The following QTRT2 variants were observed in gnomAD, a reference collection of about 807,000 sequenced individuals.
QTRT2 encodes the protein queuine tRNA-ribosyltransferase accessory subunit 2.
A neutral mutation model predicts 44.8 loss-of-function variants in QTRT2; 32 were observed. The ratio of observed to expected loss-of-function variants is 0.71; its 90% CI spans 0.54 to 0.96. The LOEUF is 0.96. Among genes scored for constraint, QTRT2 ranks in the 40% least tolerant of loss-of-function variants. The pLI, the probability that QTRT2 is intolerant of heterozygous loss-of-function variation, is 0.00. For synonymous variants in QTRT2, 182 were observed against 187.4 expected, an observed-to-expected ratio of 0.97 and a Z score of 0.24; for missense variants, 461 against 503.1, an observed-to-expected ratio of 0.92 and a Z score of 0.80.
In QTRT2 at chr3:114,069,098, G is replaced by T. The variant is rs1054964705; in HGVS notation, c.333+1035G>T. ...TTGACTTCCATTTTCTACCCAAATT[G>T]TAAGGGAGAGAGGAATCATTTAACC... On this transcript the variant is annotated intron_variant, in intron 5 of 9. Transcript: ENST00000281273. Among the ~76,000 whole-genome samples, 4 of 151,524 alleles carry T rather than the reference G, an allele frequency of 2.6e-5. No homozygotes were observed. The East Asian group carries it at 5.8e-4, about 22-fold the overall frequency.
At chr3:114,078,735 A>G (rs537673865) in intron 7 of QTRT2, 1 of 152,266 alleles carries the variant, frequency 6.6e-6, no homozygotes, top group South Asian at 2.1e-4. Context: ...CCCTAATTTG[A>G]AAGTCCAAAA....
chr3:114,060,472 A>ATAGGTAGG (rs796649795), intron 2 of QTRT2, among the ~76,000 whole-genome samples: 5,598 of 146,380 alleles, frequency 0.038, 176 homozygotes, highest in Admixed American at 0.085. Flanking sequence ...CCCCAGATAG[A>ATAGGTAGG]TAGGTAGGTA....
intron 8 of QTRT2, among the ~76,000 whole-genome samples, chr3:114,080,728 A>G (rs2077156278): frequency 6.6e-6 from 1 of 152,104 alleles, no homozygotes; most frequent in African/African-American, 2.4e-5. Context: ...TTCAGAAATG[A>G]CCTTTCCTTT....
chr3:114,064,409 C>G (rs1453917836), intron 2 of QTRT2, among the ~76,000 whole-genome samples: 1 of 152,148 alleles, frequency 6.6e-6, no homozygotes, highest in Admixed American at 6.5e-5. Flanking sequence ...GTGTGCTTAT[C>G]AAGTTCTGTA....
At chr3:114,072,319 A>AT (rs1420789929) in intron 6 of QTRT2, among the ~76,000 whole-genome samples, 12 of 151,946 alleles carry the variant, frequency 7.9e-5, no homozygotes, top group African/African-American at 2.9e-4. Flanking sequence ...TGCCTGGCTA[A>AT]TTTTTGTATT....
chr3:114,063,502 T>A (rs9845698), intron 2 of QTRT2, among the ~76,000 whole-genome samples: 11,340 of 152,230 alleles, frequency 0.074, 473 homozygotes, highest in Middle Eastern at 0.11. Flanking sequence ...TTATACTATT[T>A]ATTAAAATAT....
At chr3:114,079,502 C>A in intron 7 of QTRT2, 1 of 163,580 alleles carries the variant, frequency 6.1e-6, no homozygotes, top group Non-Finnish European at 1.3e-5. Flanking sequence ...TGCGCCATTG[C>A]ACTCCAGCCT....
intron 2 of QTRT2, among the ~76,000 whole-genome samples, chr3:114,063,065 G>A (rs886291823): frequency 2.0e-5 from 3 of 152,222 alleles, no homozygotes; most frequent in African/African-American, 4.8e-5. Flanking sequence ...AAATGCGTAA[G>A]TTACTGCAGC....
At chr3:114,067,960 C>T in intron 4 of QTRT2, 27 bp from the exon 5 acceptor site, 4 of 1,607,504 alleles carry the variant, frequency 2.5e-6, no homozygotes, top group Non-Finnish European at 3.4e-6. Context: ...TAAGCACTTT[C>T]AAGGGTTCTT....
chr3:114,072,116 A>G (rs1260300289), intron 6 of QTRT2, among the ~76,000 whole-genome samples: 1 of 151,870 alleles, frequency 6.6e-6, no homozygotes, highest in African/African-American at 2.4e-5. Flanking sequence ...TTGTTTCCAC[A>G]TGAGGCTCAT....
At chr3:114,058,442 C>G (rs924286398) in intron 2 of QTRT2, among the ~76,000 whole-genome samples, 3 of 152,216 alleles carry the variant, frequency 2.0e-5, no homozygotes, top group Non-Finnish European at 4.4e-5. Context: ...AGTTTAACGT[C>G]GTCGTTATCT....
chr3:114,060,519 G>C (rs1306725227), intron 2 of QTRT2, among the ~76,000 whole-genome samples: 1 of 150,574 alleles, frequency 6.6e-6, no homozygotes, highest in African/African-American at 2.5e-5. Context: ...TAGATAGATA[G>C]ATAGATAGAT....
At chr3:114,065,029 A>G (rs1429407794) in intron 2 of QTRT2, among the ~76,000 whole-genome samples, 3 of 152,158 alleles carry the variant, frequency 2.0e-5, no homozygotes, top group Non-Finnish European at 4.4e-5. Context: ...TGATGCCAAT[A>G]TGTGGTTCTG....
Position 114,087,799 on chromosome 3 carries a change from C to G in QTRT2, c.*1895C>G, listed in dbSNP as rs1395784365. On this transcript the variant is annotated 3_prime_UTR_variant, in exon 10 of 10. Coordinates refer to ENST00000281273, the MANE Select transcript of QTRT2 (RefSeq NM_024638.4). ...ACATGACAAAAGCAGGAACAAGACTCAGAGCAAGAAGTCACTTATCACCAA... is the reference window on the plus strand; with the variant it reads ...ACATGACAAAAGCAGGAACAAGACTGAGAGCAAGAAGTCACTTATCACCAA... 6.6e-6 allele frequency: 1 copy of G among 152,276 alleles called. No homozygotes were observed. Among genetic ancestry groups the G allele is most frequent in the Non-Finnish European group, 1.5e-5 (1 of 68,152 alleles). The allele number at this position is 152,276 out of a possible 1,614,324, so 9.4% of individuals were successfully genotyped here. A position where few individuals can be genotyped will look rare whatever the true frequency, so the allele number is the denominator to read the frequency against.
chr3:114,085,664 C>T lies in QTRT2; in HGVS notation c.1017-9C>T. 6.2e-7 allele frequency: 1 copy of T among 1,610,570 alleles called. No individual in the cohort carries two copies. Among genetic ancestry groups the T allele is most frequent in the Non-Finnish European group, 8.5e-7 (1 of 1,176,720 alleles). ...ACTTTCTGGAATGTCACTGTGACTT[C>T]TTTCTTAGGTACCAGGAGGACTTTA... On this transcript the variant is annotated splice_polypyrimidine_tract_variant and intron_variant, in intron 9 of 9. Transcript: ENST00000281273.
In QTRT2 at chr3:114,066,279, T is replaced by C. The variant is rs778491768; in HGVS notation, c.252T>C (p.Phe84=). The change falls in exon 4 of 10, where the codon TTT becomes TTC. Residue 84 remains phenylalanine (F), a synonymous_variant. Transcript: ENST00000281273. Reference sequence around the variant, plus strand: ...AATATAAAGAAGGAGTTGGAAAGTTTATAGGTAAAAATTAAGTTACTTATA... The same window carrying C: ...AATATAAAGAAGGAGTTGGAAAGTTCATAGGTAAAAATTAAGTTACTTATA... ...LTEYKEGVGK[F]IGMPESLLYC... 6.3e-7 allele frequency: 1 copy of C among 1,599,638 alleles called. No individual in the cohort carries two copies.
chr3:114,088,049 A>G lies in QTRT2; in HGVS notation c.*2145A>G, dbSNP rs1351849693. 1 of 152,236 alleles carries G rather than the reference A, an allele frequency of 6.6e-6. No homozygotes were observed. The highest frequency in any genetic ancestry group is 1.9e-4 in the East Asian group (1 of 5,202). The allele number at this position is 152,236 out of a possible 1,614,324, so 9.4% of individuals were successfully genotyped here. On this transcript the variant is annotated 3_prime_UTR_variant, in exon 10 of 10. Coordinates refer to ENST00000281273, the MANE Select transcript of QTRT2 (RefSeq NM_024638.4). ...AACTCTTCCATGAATGGCAAGGGGT[A>G]CTTATGGAAAACAGTTTTCCAAAGA...
intron 2 of QTRT2, among the ~76,000 whole-genome samples, chr3:114,063,621 T>G (rs925071479): frequency 6.6e-6 from 1 of 152,128 alleles, no homozygotes; most frequent in Non-Finnish European, 1.5e-5. Flanking sequence ...TTATAGAAAA[T>G]TGACCAGGCT....
intron 5 of QTRT2, among the ~76,000 whole-genome samples, chr3:114,068,784 A>C (rs978823163): frequency 5.9e-5 from 9 of 152,188 alleles, no homozygotes; most frequent in African/African-American, 2.2e-4. Flanking sequence ...ATGGTGGCTC[A>C]TGCATGTAAT....
Sources: allele counts gnomAD v4.1 joint callset (sites outside exome capture counted in the v4.1 genomes callset), GRCh38; gene constraint gnomAD v4.1.1; transcripts MANE v1.5; gene names NCBI Gene and HGNC (gene_info 2026-07-23, HGNC 2026-07-21).